Variants in MED13L observed in about 807,000 individuals in gnomAD.
MED13L encodes mediator of RNA polymerase II transcription subunit 13-like.
Under a neutral mutation model 220.9 loss-of-function variants are expected in MED13L, and 7 were observed. The ratio of observed to expected loss-of-function variants is 0.03; its 90% CI spans 0.02 to 0.06. The LOEUF (loss-of-function observed/expected upper bound fraction) is 0.06, where lower values mean the gene tolerates loss of function less well. Ranked by LOEUF, MED13L falls within the 10% of genes least tolerant of loss-of-function variation. MED13L has a pLI of 1.00. For missense variants in MED13L, 1,965 were observed against 2,760.5 expected, an observed-to-expected ratio of 0.71 and a Z score of 6.46; for synonymous variants, 1,011 against 1,015.2, an observed-to-expected ratio of 1.00 and a Z score of 0.08.
Position 116,019,422 on chromosome 12 carries a change from A to C in MED13L, c.821-10T>G. ...ACCATCCGAACACCACCTATAAGCA[A>C]AGAGAACAAGGAAAGAATCAGGACT... is the stretch of plus-strand genomic sequence containing the variant. On this transcript the variant is annotated splice_polypyrimidine_tract_variant and intron_variant, in intron 6 of 30. Transcript: ENST00000281928. 6.2e-7 allele frequency: 1 copy of C among 1,613,248 alleles called. No homozygotes were observed. Among genetic ancestry groups the C allele is most frequent in the Non-Finnish European group, 8.5e-7 (1 of 1,179,266 alleles).
At chr12:116,128,843 A>G (rs926247264) in intron 2 of MED13L, among the ~76,000 whole-genome samples, 2 of 152,204 alleles carry the variant, frequency 1.3e-5, no homozygotes, top group Non-Finnish European at 2.9e-5. Flanking sequence ...TCCATGTTCC[A>G]TTCTATTAGG....
At chr12:116,041,191 T>G (rs1042334261) in intron 4 of MED13L, among the ~76,000 whole-genome samples, 9 of 152,274 alleles carry the variant, frequency 5.9e-5, no homozygotes, top group Admixed American at 5.9e-4. Context: ...ACCTTGGGGA[T>G]GGACATACCT....
chr12:115,961,436 C>CAA (rs751388886), intron 30 of MED13L, 38 bp from the exon 31 acceptor site: 1 of 1,611,966 alleles, frequency 6.2e-7, no homozygotes, highest in Non-Finnish European at 8.5e-7. Flanking sequence ...GCGTGAGCCT[C>CAA]AAGAGGGAAG....
At chr12:116,276,859 A>T in intron 1 of MED13L, 1 of 1,000,342 alleles carries the variant, frequency 1.0e-6, no homozygotes, top group African/African-American at 1.6e-5. Context: ...TGATTTTTAA[A>T]GAGCCAAATA....
rs1400237766 is a variant in MED13L, at chr12:116,277,506, CGCCGCCGCCTCGGA to C, written c.-389_-376del. Among the ~76,000 whole-genome samples the C allele has an allele frequency of 6.7e-6, 1 of 148,532 alleles. No individual in the cohort carries two copies. Among genetic ancestry groups the C allele is most frequent in the Admixed American group, 6.7e-5 (1 of 14,968 alleles). ...GAGGGGAGGCGAGCCCCGGAGCCGC[CGCCGCCGCCTCGGA>C]GCCGCCGCCGCCGCGGAGCGCGAAC... On this transcript the variant is annotated 5_prime_UTR_variant, in exon 1 of 31. Coordinates refer to ENST00000281928, the MANE Select transcript of MED13L (RefSeq NM_015335.5).
chr12:116,270,403 G>A (rs1398087875), intron 1 of MED13L, among the ~76,000 whole-genome samples: 4 of 151,892 alleles, frequency 2.6e-5, no homozygotes, highest in Non-Finnish European at 4.4e-5. Flanking sequence ...TGGCCTCCCC[G>A]CAAAGTGATG....
chr12:115,998,959 T>C (rs1878577392), intron 14 of MED13L, among the ~76,000 whole-genome samples: 2 of 151,982 alleles, frequency 1.3e-5, no homozygotes, highest in African/African-American at 4.8e-5. Context: ...TTTATAGAAG[T>C]AGAAACATGA....
chr12:116,022,868 T>C (rs1287662578), intron 4 of MED13L, among the ~76,000 whole-genome samples: 2 of 152,234 alleles, frequency 1.3e-5, no homozygotes, highest in Non-Finnish European at 2.9e-5. Flanking sequence ...CTAACTCTTA[T>C]GCCAACTATA....
intron 2 of MED13L, among the ~76,000 whole-genome samples, chr12:116,116,361 A>G (rs1874518889): frequency 6.6e-6 from 1 of 152,126 alleles, no homozygotes; most frequent in South Asian, 2.1e-4. Flanking sequence ...TAAAAACCCA[A>G]AAAGACTGAG....
chr12:116,092,902 T>C (rs1199214575), intron 4 of MED13L, among the ~76,000 whole-genome samples: 1 of 152,090 alleles, frequency 6.6e-6, no homozygotes, highest in Non-Finnish European at 1.5e-5. Context: ...GACAGCAAAT[T>C]AACCCAGAAA....
chr12:116,213,764 T>A (rs903939281), intron 2 of MED13L, among the ~76,000 whole-genome samples: 3 of 152,200 alleles, frequency 2.0e-5, no homozygotes, highest in Admixed American at 2.0e-4. Context: ...CAAATTCCTA[T>A]CTGAGGCTTC....
chr12:116,117,162 T>C (rs1250716238), intron 2 of MED13L, among the ~76,000 whole-genome samples: 3 of 151,964 alleles, frequency 2.0e-5, no homozygotes, highest in Non-Finnish European at 4.4e-5. Flanking sequence ...TGAATCTCAT[T>C]ATGCTAAGTA....
At chr12:116,234,124 G>A (rs1327787450) in intron 2 of MED13L, among the ~76,000 whole-genome samples, 2 of 151,688 alleles carry the variant, frequency 1.3e-5, no homozygotes, top group Admixed American at 6.6e-5. Flanking sequence ...TAACTAAAAA[G>A]CAATTTAAGA....
intron 13 of MED13L, among the ~76,000 whole-genome samples, chr12:116,005,064 C>T (rs538372550): frequency 6.6e-6 from 1 of 152,202 alleles, no homozygotes; most frequent in South Asian, 2.1e-4. Context: ...CAATGACTAG[C>T]CTTAGTACCA....
chr12:116,189,951 T>C (rs1460520733), intron 2 of MED13L, among the ~76,000 whole-genome samples: 1 of 152,132 alleles, frequency 6.6e-6, no homozygotes, highest in Non-Finnish European at 1.5e-5. Flanking sequence ...AGGGGAGAAG[T>C]TTAAATAGAT....
intron 1 of MED13L, among the ~76,000 whole-genome samples, chr12:116,271,005 G>A (rs1478604438): frequency 1.6e-5 from 2 of 121,802 alleles, no homozygotes; most frequent in South Asian, 2.6e-4. Flanking sequence ...TCGCACCACT[G>A]CACTCCAGCC....
chr12:116,058,407 C>T (rs757652341), intron 4 of MED13L, among the ~76,000 whole-genome samples: 7 of 151,986 alleles, frequency 4.6e-5, no homozygotes, highest in Admixed American at 3.3e-4. Context: ...TCTGAAGGTG[C>T]CTTTGTAATT....
chr12:116,015,343 T>C, intron 7 of MED13L, 69 bp from the exon 8 acceptor site: 1 of 1,502,422 alleles, frequency 6.7e-7, no homozygotes, highest in Non-Finnish European at 9.3e-7. Context: ...GACTGCTATC[T>C]TATTAACATA....
Position 116,091,051 on chromosome 12 carries a change from G to C in MED13L, c.479+5618C>G, listed in dbSNP as rs551473592. 2.6e-4 allele frequency among the ~76,000 whole-genome samples: 39 copies of C among 150,102 alleles called. No homozygotes were observed. The South Asian group carries it at 8.0e-3, about 31-fold the overall frequency. ...GAGGCAGGAGAATTGCTTGAACCTG[G>C]AGGACATTGCAGTGAGCTGACATCG... is the stretch of plus-strand genomic sequence containing the variant. On this transcript the variant is annotated intron_variant, in intron 4 of 30. Transcript: ENST00000281928.
Sources: gnomAD v4.1 joint callset for allele counts (sites outside exome capture counted in the v4.1 genomes callset) on GRCh38, gnomAD v4.1.1 for gene constraint, MANE v1.5 for transcripts, NCBI Gene and HGNC (gene_info 2026-07-23, HGNC 2026-07-21) for gene names.